ATRNL1: variants seen among roughly 807,000 people sequenced by gnomAD.
ATRNL1 encodes attractin like 1.
Under a neutral mutation model 182.7 loss-of-function variants are expected in ATRNL1, and 95 were observed. The ratio of observed to expected loss-of-function variants is 0.52; its 90% CI spans 0.44 to 0.62. The LOEUF is 0.62. ATRNL1 is among the 20% of genes least tolerant of loss of function. The pLI, the probability that ATRNL1 is intolerant of heterozygous loss-of-function variation, is 0.00. For synonymous variants in ATRNL1, 576 were observed against 568.3 expected (o/e 1.01, Z -0.19); for missense variants, 1,471 against 1,679.5 (o/e 0.88, Z 2.17).
At chr10:115,604,212 T>C (rs1555016906) in intron 26 of ATRNL1, among the ~76,000 whole-genome samples, 1 of 152,216 alleles carries the variant, frequency 6.6e-6, no homozygotes, top group Non-Finnish European at 1.5e-5. Flanking sequence ...TGGTTGTATT[T>C]TTAATAAGCA....
At chr10:115,384,997 G>A (rs1439417245) in intron 19 of ATRNL1, among the ~76,000 whole-genome samples, 1 of 151,326 alleles carries the variant, frequency 6.6e-6, no homozygotes, top group Non-Finnish European at 1.5e-5. Context: ...ATATTTATGT[G>A]TTTATATTTA....
At chr10:115,243,250 G>A (rs1850496353) in intron 10 of ATRNL1, among the ~76,000 whole-genome samples, 1 of 151,950 alleles carries the variant, frequency 6.6e-6, no homozygotes, top group Non-Finnish European at 1.5e-5. Context: ...GACAAAATGG[G>A]AATGTATTTT....
At chr10:115,394,549 G>A (rs749002616) in intron 19 of ATRNL1, 110 bp from the exon 20 acceptor site, 45 of 790,026 alleles carry the variant, frequency 5.7e-5, no homozygotes, top group Non-Finnish European at 7.8e-5. Context: ...TTTTTGGATG[G>A]CAAGAGGAAG....
rs782112100 is a variant in ATRNL1, at chr10:115,367,843, G to T, written c.3176-26816G>T. On this transcript the variant is annotated intron_variant, in intron 19 of 28. Transcript: ENST00000355044. ...CAGTTAGGCTGCTCGGGGGTCAGGGGTCAGGGACCCACTTGAGGAGGCAGT... is the reference window on the plus strand; with the variant it reads ...CAGTTAGGCTGCTCGGGGGTCAGGGTTCAGGGACCCACTTGAGGAGGCAGT... 4.0e-3 allele frequency among the ~76,000 whole-genome samples: 595 copies of T among 147,684 alleles called. 3 individuals are homozygous for T. The highest frequency in any genetic ancestry group is 0.01 in the Middle Eastern group (3 of 290).
chr10:115,896,719 A>C (rs1461843224), intron 28 of ATRNL1, among the ~76,000 whole-genome samples: 1 of 152,192 alleles, frequency 6.6e-6, no homozygotes, highest in Non-Finnish European at 1.5e-5. Flanking sequence ...AGAATATAAA[A>C]TAAATGAAGG....
intron 1 of ATRNL1, among the ~76,000 whole-genome samples, chr10:115,113,517 A>G (rs1219239868): frequency 6.6e-6 from 1 of 152,182 alleles, no homozygotes; most frequent in Non-Finnish European, 1.5e-5. Context: ...TAATTGAATC[A>G]TGGGGCCAAG....
intron 23 of ATRNL1, among the ~76,000 whole-genome samples, chr10:115,468,481 T>A (rs1848160733): frequency 6.6e-6 from 1 of 150,836 alleles, no homozygotes; most frequent in Admixed American, 6.6e-5. Context: ...GTATACTAAT[T>A]CTAATTATTT....
Position 115,604,216 on chromosome 10 carries a change from A to G in ATRNL1, c.3795+54680A>G, listed in dbSNP as rs892691392. 3.9e-5 allele frequency among the ~76,000 whole-genome samples: 6 copies of G among 152,278 alleles called. No individual in the cohort carries two copies. The South Asian group carries it at 1.2e-3, about 32-fold the overall frequency. On this transcript the variant is annotated intron_variant, in intron 26 of 28. Transcript: ENST00000355044. ...GGATATGAATTTGGTTGTATTTTTAATAAGCATTGAGTTTTGTTCTGCTAG... is the reference window on the plus strand; with the variant it reads ...GGATATGAATTTGGTTGTATTTTTAGTAAGCATTGAGTTTTGTTCTGCTAG...
chr10:115,668,438 T>C (rs2133921867), intron 26 of ATRNL1, among the ~76,000 whole-genome samples: 1 of 152,322 alleles, frequency 6.6e-6, no homozygotes, highest in Middle Eastern at 3.4e-3. Context: ...TTTAAAATTT[T>C]CCTTTACCCA....
At chr10:115,152,644 A>T (rs1291796615) in intron 5 of ATRNL1, among the ~76,000 whole-genome samples, 1 of 152,220 alleles carries the variant, frequency 6.6e-6, no homozygotes, top group Non-Finnish European at 1.5e-5. Context: ...TAAATATACA[A>T]TCATGTCATC....
At chr10:115,283,596 TAAG>T (rs1346288048) in intron 14 of ATRNL1, among the ~76,000 whole-genome samples, 3 of 152,312 alleles carry the variant, frequency 2.0e-5, no homozygotes, top group South Asian at 2.1e-4. Context: ...GAGATGATAC[TAAG>T]AAGTTGAAAG....
At chr10:115,730,927 G>A (rs1441559173) in intron 27 of ATRNL1, among the ~76,000 whole-genome samples, 1 of 152,164 alleles carries the variant, frequency 6.6e-6, no homozygotes, top group East Asian at 1.9e-4. Flanking sequence ...AGAACTTGGA[G>A]TCCAGTGTTC....
intron 26 of ATRNL1, among the ~76,000 whole-genome samples, chr10:115,559,573 T>G (rs1280783266): frequency 6.6e-6 from 1 of 152,236 alleles, no homozygotes; most frequent in Non-Finnish European, 1.5e-5. Flanking sequence ...TCTGGTTCCC[T>G]TTATTTTAGC....
At chr10:115,109,321 T>C (rs1844160396) in intron 1 of ATRNL1, among the ~76,000 whole-genome samples, 1 of 152,208 alleles carries the variant, frequency 6.6e-6, no homozygotes, top group Non-Finnish European at 1.5e-5. Flanking sequence ...ACCTAGTGAT[T>C]TATAATGAAT....
intron 28 of ATRNL1, among the ~76,000 whole-genome samples, chr10:115,880,306 G>A (rs1334265199): frequency 6.6e-6 from 1 of 152,174 alleles, no homozygotes; most frequent in Non-Finnish European, 1.5e-5. Context: ...GGAATCCCAG[G>A]CTTCGGCTAG....
At chr10:115,580,695 T>C (rs903841141) in intron 26 of ATRNL1, among the ~76,000 whole-genome samples, 1 of 151,744 alleles carries the variant, frequency 6.6e-6, no homozygotes, top group Non-Finnish European at 1.5e-5. Flanking sequence ...TTTTTCTTTT[T>C]TTTCTCTTTC....
At chr10:115,266,056 C>T (rs1263775586) in intron 11 of ATRNL1, among the ~76,000 whole-genome samples, 1 of 151,772 alleles carries the variant, frequency 6.6e-6, no homozygotes, top group Non-Finnish European at 1.5e-5. Context: ...AACATAAAAC[C>T]TCCAGGGTTC....
chr10:115,443,167 A>C (rs1349995784), intron 21 of ATRNL1, among the ~76,000 whole-genome samples: 1 of 152,016 alleles, frequency 6.6e-6, no homozygotes, highest in African/African-American at 2.4e-5. Flanking sequence ...TGATGATTAT[A>C]TGTGTTTAAA....
intron 24 of ATRNL1, among the ~76,000 whole-genome samples, chr10:115,480,768 C>T (rs180822136): frequency 2.0e-5 from 3 of 151,050 alleles, no homozygotes; most frequent in East Asian, 3.9e-4. Flanking sequence ...CCATATTGCC[C>T]ACAAAGCTGA....
Sources: gnomAD v4.1 joint callset for allele counts (sites outside exome capture counted in the v4.1 genomes callset) on GRCh38, gnomAD v4.1.1 for gene constraint, MANE v1.5 for transcripts, NCBI Gene and HGNC (gene_info 2026-07-23, HGNC 2026-07-21) for gene names.